The following NFIA variants were observed in gnomAD, a reference collection of about 807,000 sequenced individuals.
NFIA encodes the protein nuclear factor 1 A-type.
NFIA carries 8 observed loss-of-function variants against 62.8 expected under a neutral mutation model. That is an observed-to-expected ratio of 0.13 (90% CI 0.07 to 0.23). NFIA has a LOEUF of 0.23. NFIA is among the 10% of genes least tolerant of loss of function. The pLI, the probability that NFIA is intolerant of heterozygous loss-of-function variation, is 1.00. For missense variants in NFIA, 410 were observed against 642.1 expected, an observed-to-expected ratio of 0.64 and a Z score of 3.91; for synonymous variants, 235 against 238.1, an observed-to-expected ratio of 0.99 and a Z score of 0.12.
chr1:61,257,586 C>T (rs1656490807), intron 2 of NFIA, among the ~76,000 whole-genome samples: 1 of 152,134 alleles, frequency 6.6e-6, no homozygotes, highest in Non-Finnish European at 1.5e-5. Flanking sequence ...GATCTGCCTA[C>T]TTTGGCCTCC....
chr1:61,462,042 TGGCTTTTTTTTTTG>T lies in NFIA; in HGVS notation c.*6723_*6736del, dbSNP rs1338279403. ...TTTTTGGGTTTTTTTTTTTTTTTTTTGGCTTTTTTTTTTGTTTGTTTTTTTTTCTTTTGACATTG... is the reference window on the plus strand; with the variant it reads ...TTTTTGGGTTTTTTTTTTTTTTTTTTTTTGTTTTTTTTTCTTTTGACATTG... On this transcript the variant is annotated 3_prime_UTR_variant, in exon 11 of 11. Transcript: ENST00000403491. The T allele has an allele frequency of 1.7e-4, 17 of 102,236 alleles. No individual in the cohort carries two copies. Among genetic ancestry groups the T allele is most frequent in the African/African-American group, 6.3e-4 (17 of 26,990 alleles). The allele number at this position is 102,236 out of a possible 1,614,324, so 6.3% of individuals were successfully genotyped here.
intron 9 of NFIA, among the ~76,000 whole-genome samples, chr1:61,406,980 G>A (rs1286363711): frequency 1.3e-5 from 2 of 152,174 alleles, no homozygotes; most frequent in Admixed American, 6.5e-5. Flanking sequence ...CAAGTTATGA[G>A]CTATTACATT....
intron 3 of NFIA, among the ~76,000 whole-genome samples, chr1:61,280,759 A>T (rs1033411661): frequency 1.2e-4 from 18 of 152,336 alleles, no homozygotes; most frequent in Middle Eastern, 3.4e-3. Context: ...AGAGCATTAG[A>T]TGGGAATTTT....
At chr1:61,292,956 G>A (rs1056934859) in intron 3 of NFIA, among the ~76,000 whole-genome samples, 3 of 152,106 alleles carry the variant, frequency 2.0e-5, no homozygotes, top group African/African-American at 7.2e-5. Flanking sequence ...TCCTGTGCCC[G>A]TATGTTGGGT....
At chr1:61,417,538 T>C (rs1201137599) in intron 9 of NFIA, among the ~76,000 whole-genome samples, 3 of 151,974 alleles carry the variant, frequency 2.0e-5, no homozygotes, top group Non-Finnish European at 4.4e-5. Flanking sequence ...AGAATTGGAA[T>C]TGCTAATACA....
chr1:61,413,283 ATGAC>A (rs1447760759), intron 9 of NFIA, among the ~76,000 whole-genome samples: 1 of 152,208 alleles, frequency 6.6e-6, no homozygotes, highest in Non-Finnish European at 1.5e-5. Context: ...ACAATAATCT[ATGAC>A]TGGGATTTAA....
intron 9 of NFIA, among the ~76,000 whole-genome samples, chr1:61,424,509 T>C (rs911931819): frequency 6.6e-6 from 1 of 152,124 alleles, no homozygotes; most frequent in Non-Finnish European, 1.5e-5. Flanking sequence ...TGGACTCACG[T>C]TTCAGCGTCT....
intron 6 of NFIA, among the ~76,000 whole-genome samples, chr1:61,369,051 G>A (rs1569643587): frequency 6.6e-6 from 1 of 152,170 alleles, no homozygotes; most frequent in African/African-American, 2.4e-5. Context: ...GTCCTCTGCT[G>A]TGCCTGCTTA....
chr1:61,230,035 T>C (rs2100630113), intron 2 of NFIA, among the ~76,000 whole-genome samples: 1 of 152,268 alleles, frequency 6.6e-6, no homozygotes, highest in East Asian at 1.9e-4. Flanking sequence ...ATAAGAATTA[T>C]AACTATCTGA....
rs1012539316 is a variant in NFIA at position 61,301,261 on chromosome 1, A to G, written c.625+23676A>G. 9.8e-5 allele frequency among the ~76,000 whole-genome samples: 15 copies of G among 152,332 alleles called. No individual in the cohort carries two copies. In the East Asian group the frequency reaches 2.9e-3, roughly 29 times the overall value. On this transcript the variant is annotated intron_variant, in intron 3 of 10. Transcript: ENST00000403491. ...CCCACTAACTAGAAACTGAGAACCTAATACAAAAGTGTAACTCAATAAAAG... is the reference window on the plus strand; with the variant it reads ...CCCACTAACTAGAAACTGAGAACCTGATACAAAAGTGTAACTCAATAAAAG...
chr1:61,107,730 A>G (rs1347791105), intron 2 of NFIA, among the ~76,000 whole-genome samples: 1 of 151,688 alleles, frequency 6.6e-6, no homozygotes, highest in Non-Finnish European at 1.5e-5. Context: ...GTCTTGTTGA[A>G]GATATCCTTT....
chr1:61,264,137 T>TC (rs1409304580), intron 2 of NFIA, among the ~76,000 whole-genome samples: 1 of 152,164 alleles, frequency 6.6e-6, no homozygotes, highest in African/African-American at 2.4e-5. Flanking sequence ...TAAACAAGCT[T>TC]CCTCCTCCTA....
Position 61,407,401 on chromosome 1 carries a change from A to G in NFIA, c.1420+674A>G, listed in dbSNP as rs538553927. Among the ~76,000 whole-genome samples the G allele has an allele frequency of 2.6e-5, 4 of 152,340 alleles. No individual in the cohort carries two copies. The South Asian group carries it at 8.3e-4, about 32-fold the overall frequency. On this transcript the variant is annotated intron_variant, in intron 9 of 10. Coordinates refer to ENST00000403491, the MANE Select transcript of NFIA (RefSeq NM_001134673.4). ...ATTTAATCAAAGAATATAAGATTTC[A>G]CAACCCTTTTAGATGATGGGAATGA...
At chr1:61,286,976 G>A (rs1658542480) in intron 3 of NFIA, among the ~76,000 whole-genome samples, 1 of 152,078 alleles carries the variant, frequency 6.6e-6, no homozygotes. Context: ...TGGCTTGAAG[G>A]GTACAAACAA....
intron 3 of NFIA, among the ~76,000 whole-genome samples, chr1:61,298,866 G>T (rs772269080): frequency 5.9e-5 from 9 of 152,072 alleles, no homozygotes; most frequent in Non-Finnish European, 8.8e-5. Context: ...CTTACAACAC[G>T]CTGGGAGAAA....
intron 2 of NFIA, among the ~76,000 whole-genome samples, chr1:61,264,106 C>A (rs1290005494): frequency 6.6e-6 from 1 of 152,048 alleles, no homozygotes. Flanking sequence ...TAGGTGATAA[C>A]AAATGTTTGA....
At chr1:61,264,784 C>T (rs1657054213) in intron 2 of NFIA, among the ~76,000 whole-genome samples, 1 of 150,828 alleles carries the variant, frequency 6.6e-6, no homozygotes, top group Non-Finnish European at 1.5e-5. Context: ...AAATTACTCA[C>T]AAATACTGAG....
intron 2 of NFIA, among the ~76,000 whole-genome samples, chr1:61,152,091 G>C (rs1176425575): frequency 1.3e-5 from 2 of 151,982 alleles, no homozygotes; most frequent in Non-Finnish European, 2.9e-5. Flanking sequence ...TGACCCAATG[G>C]GGCCATTAAA....
rs75507145 is a variant in NFIA, at chr1:61,265,625, G to A, written c.560-11895G>A. 2.6e-5 allele frequency among the ~76,000 whole-genome samples: 4 copies of A among 152,128 alleles called. No individual in the cohort carries two copies. In the East Asian group the frequency reaches 7.7e-4, roughly 29 times the overall value. Reference sequence around the variant, plus strand: ...AAAAGTTATTGTCAATGTGGAAATTGAAAACACATTATTTTAATAATATAA... The same window carrying A: ...AAAAGTTATTGTCAATGTGGAAATTAAAAACACATTATTTTAATAATATAA... On this transcript the variant is annotated intron_variant, in intron 2 of 10. Coordinates refer to ENST00000403491, the MANE Select transcript of NFIA (RefSeq NM_001134673.4).
Sources: allele counts gnomAD v4.1 joint callset (sites outside exome capture counted in the v4.1 genomes callset), GRCh38; gene constraint gnomAD v4.1.1; transcripts MANE v1.5; gene names NCBI Gene and HGNC (gene_info 2026-07-23, HGNC 2026-07-21).